FAP: variants seen among roughly 807,000 people sequenced by gnomAD.
The protein encoded by FAP is fibroblast activation protein alpha, also known as prolyl endopeptidase FAP.
Under a neutral mutation model 126.5 loss-of-function variants are expected in FAP, and 110 were observed. That is an observed-to-expected ratio of 0.87 (90% CI 0.74 to 1.02). The LOEUF (loss-of-function observed/expected upper bound fraction) is 1.02, where lower values mean the gene tolerates loss of function less well. Among genes scored for constraint, FAP ranks in the 50% least tolerant of loss-of-function variants. The pLI is 0.00. For synonymous variants in FAP, 334 were observed against 297.3 expected (o/e 1.12, Z -1.27); for missense variants, 919 against 909.2 (o/e 1.01, Z -0.14).
At chr2:162,185,138 A>G (rs1687820314) in intron 20 of FAP, among the ~76,000 whole-genome samples, 1 of 152,198 alleles carries the variant, frequency 6.6e-6, no homozygotes, top group Non-Finnish European at 1.5e-5. Flanking sequence ...AATACTGTTG[A>G]TAATGTGGTT....
At chr2:162,198,685 A>G in intron 16 of FAP, 72 bp downstream of exon 16, 2 of 1,543,740 alleles carry the variant, frequency 1.3e-6, no homozygotes, top group Admixed American at 3.5e-5. Context: ...CTACGAATTG[A>G]TCAGATAGAG....
At chr2:162,199,554 G>A (rs1425799943) in intron 15 of FAP, among the ~76,000 whole-genome samples, 1 of 152,108 alleles carries the variant, frequency 6.6e-6, no homozygotes, top group East Asian at 1.9e-4. Context: ...ACAGACTCAG[G>A]GACCTTATCC....
intron 2 of FAP, among the ~76,000 whole-genome samples, chr2:162,242,050 A>G (rs1001667990): frequency 9.9e-5 from 15 of 152,116 alleles, no homozygotes; most frequent in African/African-American, 3.4e-4. Context: ...TATTTCCCAC[A>G]TTTGTTATCA....
At chr2:162,243,211 A>C in intron 1 of FAP, 111 bp downstream of exon 1, 1 of 908,074 alleles carries the variant, frequency 1.1e-6, no homozygotes, top group East Asian at 2.4e-5. Context: ...CCCATTGAGG[A>C]AGTAAATACT....
At chr2:162,239,137 T>A (rs1216647851) in intron 2 of FAP, among the ~76,000 whole-genome samples, 2 of 152,178 alleles carry the variant, frequency 1.3e-5, no homozygotes, top group Admixed American at 6.5e-5. Context: ...CCCAAACACT[T>A]TTCTGATATT....
rs557664566 is a variant in FAP, at chr2:162,235,865, G to A, written c.91+7043C>T. On this transcript the variant is annotated intron_variant, in intron 2 of 25. Transcript: ENST00000188790. ...TGTGAAGGTCTGCAGCTTCACTCCT[G>A]AAGCCAGCAAGACCAAGAACCCACC... 1.2e-4 allele frequency among the ~76,000 whole-genome samples: 18 copies of A among 152,222 alleles called. No homozygotes were observed. The South Asian group carries it at 3.7e-3, about 32-fold the overall frequency.
intron 25 of FAP, 165 bp from the exon 26 acceptor site, chr2:162,171,245 G>T (rs755547322): frequency 6.2e-5 from 35 of 565,518 alleles, no homozygotes; most frequent in Non-Finnish European, 1.0e-4. Context: ...TTTACAGCAG[G>T]AAGAGCTTTC....
At chr2:162,185,589 A>T (rs779028752) in intron 20 of FAP, among the ~76,000 whole-genome samples, 12 of 152,278 alleles carry the variant, frequency 7.9e-5, no homozygotes, top group Non-Finnish European at 1.5e-4. Context: ...AGAAGTTATA[A>T]GACGATATGA....
At chr2:162,214,172 A>G (rs922690207) in intron 10 of FAP, 99 bp from the exon 11 acceptor site, 47 of 1,045,442 alleles carry the variant, frequency 4.5e-5, no homozygotes, top group Non-Finnish European at 6.0e-5. Flanking sequence ...TGTCATTATT[A>G]TACATTACTT....
In FAP at chr2:162,226,420, T is replaced by G. The variant is rs954376925; in HGVS notation, c.190+103A>C. Reference sequence around the variant, plus strand: ...TCAGATAATTGTTCTTTTTGTACATTTCAACTGATACGGCTTCAGTTACTA... The same window carrying G: ...TCAGATAATTGTTCTTTTTGTACATGTCAACTGATACGGCTTCAGTTACTA... On this transcript the variant is annotated intron_variant, in intron 3 of 25. Transcript: ENST00000188790. 7 of 571,914 alleles carry G rather than the reference T, an allele frequency of 1.2e-5. No individual in the cohort carries two copies. In the African/African-American group the frequency reaches 1.4e-4, roughly 11 times the overall value. 35.4% of individuals were successfully genotyped at this position (571,914 alleles called of 1,614,324 possible). A position where few individuals can be genotyped will look rare whatever the true frequency, so the allele number is the denominator to read the frequency against.
intron 6 of FAP, chr2:162,221,603 G>A (rs1049635381): frequency 4.4e-6 from 2 of 453,294 alleles, no homozygotes; most frequent in Admixed American, 2.4e-5. Flanking sequence ...CTTTCATACT[G>A]TAACATTGTC....
chr2:162,194,872 A>AT (rs1301375922), intron 16 of FAP, 124 bp from the exon 17 acceptor site: 5 of 816,198 alleles, frequency 6.1e-6, no homozygotes, highest in South Asian at 1.5e-5. Flanking sequence ...TTCTGCAGCT[A>AT]TTTTTTTCCC....
At chr2:162,191,973 A>G (rs1688064719) in intron 17 of FAP, among the ~76,000 whole-genome samples, 1 of 152,022 alleles carries the variant, frequency 6.6e-6, no homozygotes, top group Non-Finnish European at 1.5e-5. Flanking sequence ...AGATTAATCC[A>G]TTTACCTGTC....
intron 2 of FAP, among the ~76,000 whole-genome samples, chr2:162,237,112 A>G (rs1690166959): frequency 6.6e-6 from 1 of 152,214 alleles, no homozygotes; most frequent in Admixed American, 6.5e-5. Flanking sequence ...GATACTGGAA[A>G]TGAAAAATAA....
Position 162,225,490 on chromosome 2 carries a change from C to T in FAP, c.278G>A (p.Arg93Lys). The change falls in exon 4 of 26, where the codon AGA becomes AAA. Residue 93 changes from arginine (R) to lysine (K), a missense_variant. Coordinates refer to ENST00000188790, the MANE Select transcript of FAP (RefSeq NM_004460.5). ...ATGATGTTGGATACATACCATGGTT[C>T]TATTACTCAAAATGGTATATGATTG... ...TGQSYTILSN[R>K]TMKSVNASNY... The T allele has an allele frequency of 1.9e-6, 3 of 1,598,478 alleles. No individual in the cohort carries two copies. The highest frequency in any genetic ancestry group is 2.6e-6 in the Non-Finnish European group (3 of 1,171,462).
intron 2 of FAP, among the ~76,000 whole-genome samples, chr2:162,233,491 A>T (rs1328697741): frequency 6.6e-6 from 1 of 152,112 alleles, no homozygotes; most frequent in Admixed American, 6.5e-5. Context: ...ATTGAGCATC[A>T]TTCATGTGCT....
intron 22 of FAP, among the ~76,000 whole-genome samples, 153 bp from the exon 23 acceptor site, chr2:162,173,940 C>T (rs1257358711): frequency 6.6e-6 from 1 of 152,070 alleles, no homozygotes. Flanking sequence ...TGGTTGGCCT[C>T]AAAGAATATG....
intron 2 of FAP, among the ~76,000 whole-genome samples, chr2:162,235,346 C>G (rs928396291): frequency 3.9e-5 from 6 of 152,168 alleles, no homozygotes; most frequent in African/African-American, 1.2e-4. Flanking sequence ...GGCTCCGGTG[C>G]GAGATCCACT....
At chr2:162,209,879 G>C in intron 12 of FAP, 73 bp downstream of exon 12, 2 of 1,368,578 alleles carry the variant, frequency 1.5e-6, no homozygotes, top group Non-Finnish European at 2.1e-6. Context: ...TGGGTACATT[G>C]CAAATAGTCC....
Sources: allele counts gnomAD v4.1 joint callset (sites outside exome capture counted in the v4.1 genomes callset), GRCh38; gene constraint gnomAD v4.1.1; transcripts MANE v1.5; gene names NCBI Gene and HGNC (gene_info 2026-07-23, HGNC 2026-07-21).